Variants in NEURL4 observed in about 807,000 individuals in gnomAD.
NEURL4 encodes the protein neuralized E3 ubiquitin protein ligase 4, also known as neuralized-like protein 4.
A neutral mutation model predicts 148.0 loss-of-function variants in NEURL4; 45 were observed. That is an observed-to-expected ratio of 0.30 (90% confidence interval 0.24 to 0.39). The LOEUF (loss-of-function observed/expected upper bound fraction) is 0.39, where lower values mean the gene tolerates loss of function less well. NEURL4 is among the 10% of genes least tolerant of loss of function. NEURL4 has a pLI of 1.00. For missense variants in NEURL4, 1,776 were observed against 2,144.0 expected (o/e 0.83, Z 3.39); for synonymous variants, 854 against 869.0 (o/e 0.98, Z 0.30).
chr17:7,316,415 T>C (rs2072945979), intron 28 of NEURL4, 88 bp from the exon 29 acceptor site: 2 of 1,063,518 alleles, frequency 1.9e-6, no homozygotes, highest in Non-Finnish European at 2.8e-6. Flanking sequence ...CAAGCCTTGC[T>C]GTACCTAGGA....
chr17:7,322,971 C>A lies in NEURL4; in HGVS notation c.2570G>T (p.Cys857Phe). ...FINGQDQGAA[C>F]SGLPPGKEVY... ...ACCTTTACCCGGAGGCAGGCCCGAG[C>A]AGGCAGCGCCTTGGTCCTGGCCGTT... The change falls in exon 15 of 29, where the codon TGC (cysteine) becomes TTC (phenylalanine). Residue 857 changes from cysteine to phenylalanine, a missense_variant. Transcript: ENST00000399464. The surrounding 1 kb of genome is among the most constrained non-coding windows in gnomAD (Gnocchi z 5.5). 6.2e-7 allele frequency: 1 copy of A among 1,613,526 alleles called. No homozygotes were observed. Among genetic ancestry groups the A allele is most frequent in the Non-Finnish European group, 8.5e-7 (1 of 1,179,854 alleles).
Position 7,324,699 on chromosome 17 carries a change from G to A in NEURL4, c.1813+100C>T. ...CTAGCCACTGAATGAGTGGTCACAAGAGTGACAAGTGAAAAAGGAGCTGCA... is the reference window on the plus strand; with the variant it reads ...CTAGCCACTGAATGAGTGGTCACAAAAGTGACAAGTGAAAAAGGAGCTGCA... On this transcript the variant is annotated intron_variant, in intron 9 of 28. Transcript: ENST00000399464. This position sits in a 1 kb window ranked among gnomAD's most constrained non-coding sequence, Gnocchi z 5.9. 7.4e-7 allele frequency: 1 copy of A among 1,343,610 alleles called. No homozygotes were observed. Among genetic ancestry groups the A allele is most frequent in the Non-Finnish European group, 1.1e-6 (1 of 950,724 alleles). The allele number at this position is 1,343,610 out of a possible 1,614,324, so 83.2% of individuals were successfully genotyped here.
chr17:7,326,687 A>G lies in NEURL4; in HGVS notation c.1092+24T>C. ...TTTAGCTCCCAGGGATAAGGCGCCA[A>G]CCAGACCACAGGACTTTGCACACCT... On this transcript the variant is annotated intron_variant, in intron 4 of 28. Transcript: ENST00000399464. The surrounding 1 kb of genome is among the most constrained non-coding windows in gnomAD (Gnocchi z 6.0). 6.2e-7 allele frequency: 1 copy of G among 1,607,614 alleles called. No homozygotes were observed. Among genetic ancestry groups the G allele is most frequent in the South Asian group, 1.1e-5 (1 of 90,676 alleles).
In NEURL4 at chr17:7,318,466, C is replaced by G; in HGVS notation, c.3864+29G>C. On this transcript the variant is annotated intron_variant, in intron 23 of 28. Coordinates refer to ENST00000399464, the MANE Select transcript of NEURL4 (RefSeq NM_032442.3). This position sits in a 1 kb window ranked among gnomAD's most constrained non-coding sequence, Gnocchi z 4.3. ...CTGGACAGCGCAGACTCTCAGGCAC[C>G]CCTCCTCCCTGCCCCCACTGCCACT... The G allele has an allele frequency of 6.2e-7, 1 of 1,601,196 alleles. No individual in the cohort carries two copies.
In NEURL4 at chr17:7,318,601, G is replaced by C. The variant is rs1322379036; in HGVS notation, c.3758C>G (p.Ser1253Cys). Residue 1253 changes from serine to cysteine, a missense_variant, in exon 23 of 29, where the codon TCT becomes TGT. Transcript: ENST00000399464. The surrounding 1 kb of genome is among the most constrained non-coding windows in gnomAD (Gnocchi z 4.3). ...GTILGLRLDS[S>C]GGLHLHVNGV... ...ATTAACATGAAGATGCAGCCCCCCA[G>C]AGCTGTCCAGCCGCAGTCCCAGGAT... The C allele has an allele frequency of 1.2e-6, 2 of 1,613,978 alleles. No individual in the cohort carries two copies. The highest frequency in any genetic ancestry group is 2.7e-5 in the African/African-American group (2 of 74,928).
intron 21 of NEURL4, 61 bp downstream of exon 21, chr17:7,320,698 G>C (rs575260388): frequency 6.7e-7 from 1 of 1,502,566 alleles, no homozygotes; most frequent in African/African-American, 1.4e-5. Flanking sequence ...CTTTTTTCAG[G>C]GGGGTTGGCC....
rs970917616 is a variant in NEURL4, at chr17:7,317,550, C to A, written c.4229G>T (p.Gly1410Val). ...NLRVNPRLEAGTLTKKWHMAY... is the reference protein window; with the variant it reads ...NLRVNPRLEAVTLTKKWHMAY... ...CATGTGCCACTTCTTGGTTAGTGTC[C>A]CAGCCTCCAGGCGGGGATTCACTCT... The change falls in exon 27 of 29, where the codon GGG becomes GTG. Residue 1410 changes from glycine to valine, a missense_variant. Transcript: ENST00000399464. The A allele has an allele frequency of 2.5e-6, 4 of 1,614,142 alleles. No individual in the cohort carries two copies. The highest frequency in any genetic ancestry group is 3.4e-6 in the Non-Finnish European group (4 of 1,180,002).
At chr17:7,325,795 T>C (rs1438039891) in intron 6 of NEURL4, 82 bp from the exon 7 acceptor site, 3 of 1,166,490 alleles carry the variant, frequency 2.6e-6, no homozygotes, top group East Asian at 4.7e-5. Flanking sequence ...CTCCAGAAGG[T>C]ATTCGTGAGA....
Position 7,321,334 on chromosome 17 carries a change from A to G in NEURL4, c.3198+27T>C, listed in dbSNP as rs368909705. On this transcript the variant is annotated intron_variant, in intron 19 of 28. Transcript: ENST00000399464. The surrounding 1 kb of genome is among the most constrained non-coding windows in gnomAD (Gnocchi z 6.3). Reference sequence around the variant, plus strand: ...AGCAGAAGACCTCAACCATCCTCCCAGAACCCAAGGAAGCGTTCAGGTCTA... The same window carrying G: ...AGCAGAAGACCTCAACCATCCTCCCGGAACCCAAGGAAGCGTTCAGGTCTA... 3.1e-6 allele frequency: 5 copies of G among 1,613,814 alleles called. No individual in the cohort carries two copies. The highest frequency in any genetic ancestry group is 4.2e-6 in the Non-Finnish European group (5 of 1,179,848).
intron 21 of NEURL4, among the ~76,000 whole-genome samples, 164 bp from the exon 22 acceptor site, chr17:7,319,372 CTCTTTTTTTTT>C (rs2072995861): frequency 1.0e-5 from 1 of 99,206 alleles, no homozygotes; most frequent in African/African-American, 3.3e-5. Flanking sequence ...GTTTCTTTCC[CTCTTTTTTTTT>C]TTTTTTTTTT....
In NEURL4 at chr17:7,324,170, C is replaced by T. The variant is rs1454456016; in HGVS notation, c.2000G>A (p.Gly667Asp). 4 of 1,613,662 alleles carry T rather than the reference C, an allele frequency of 2.5e-6. No homozygotes were observed. The highest frequency in any genetic ancestry group is 3.4e-6 in the Non-Finnish European group (4 of 1,180,032). The change falls in exon 11 of 29, where the codon GGC becomes GAC. Residue 667 changes from glycine to aspartate, a missense_variant. Transcript: ENST00000399464. The surrounding 1 kb of genome is among the most constrained non-coding windows in gnomAD (Gnocchi z 5.9). ...QGPAAWNVPP[G>D]VYAVVDLYGQ... ...ATAGAGATCGACGACAGCATAGACG[C>T]CCGGGGGCACGTTCCAGGCAGCAGG...
chr17:7,327,187 A>G lies in NEURL4; in HGVS notation c.771T>C (p.Pro257=). The change falls in exon 3 of 29, where the codon CCT becomes CCC. Residue 257 remains proline (P), a synonymous_variant. Coordinates refer to ENST00000399464, the MANE Select transcript of NEURL4 (RefSeq NM_032442.3). This position sits in a 1 kb window ranked among gnomAD's most constrained non-coding sequence, Gnocchi z 6.6. The stretch of plus-strand genomic sequence containing the variant: ...CACCATTATGCGACTCAAGGCTGTT[A>G]GGAAACGTCTCCGGCCGGGCCTGCG... ...SPAQARPETF[P]NSLESHNDFA... 6.2e-7 allele frequency: 1 copy of G among 1,612,506 alleles called. No individual in the cohort carries two copies. The highest frequency in any genetic ancestry group is 2.2e-5 in the East Asian group (1 of 44,872).
At position 7,318,570 on chromosome 17, in the gene NEURL4, C is replaced by T. The variant is rs1420907960; in HGVS notation, c.3789G>A (p.Val1263=). 6.2e-7 allele frequency: 1 copy of T among 1,613,984 alleles called. No individual in the cohort carries two copies. Among genetic ancestry groups the T allele is most frequent in the Non-Finnish European group, 8.5e-7 (1 of 1,179,968 alleles). ...SGGLHLHVNG[V]DQGVAVPDVP... ...CATCTGGCACAGCTACCCCCTGGTC[C>T]ACCCCATTAACATGAAGATGCAGCC... The change falls in exon 23 of 29, where the codon GTG becomes GTA. Residue 1263 remains valine, a synonymous_variant. Transcript: ENST00000399464. This position sits in a 1 kb window ranked among gnomAD's most constrained non-coding sequence, Gnocchi z 4.3.
At position 7,327,394 on chromosome 17, in the gene NEURL4, C is replaced by T; in HGVS notation, c.727+46G>A. The T allele has an allele frequency of 6.7e-7, 1 of 1,490,700 alleles. No individual in the cohort carries two copies. 92.3% of individuals were successfully genotyped at this position (1,490,700 alleles called of 1,614,324 possible). A position where few individuals can be genotyped will look rare whatever the true frequency, so the allele number is the denominator to read the frequency against. On this transcript the variant is annotated intron_variant, in intron 2 of 28. Coordinates refer to ENST00000399464, the MANE Select transcript of NEURL4 (RefSeq NM_032442.3). The surrounding 1 kb of genome is among the most constrained non-coding windows in gnomAD (Gnocchi z 6.6). ...AGCCTGTCTTGTCACTCTATTTCCC[C>T]CATTCCGTCCCCACCCCACCACCAC...
rs1233011565 is a variant in NEURL4 at position 7,327,958 on chromosome 17, T to C, written c.283-74A>G. 4 of 1,192,122 alleles carry C rather than the reference T, an allele frequency of 3.4e-6. No homozygotes were observed. The highest frequency in any genetic ancestry group is 5.2e-5 in the Admixed American group (2 of 38,274). 73.8% of individuals were successfully genotyped at this position (1,192,122 alleles called of 1,614,324 possible). A position where few individuals can be genotyped will look rare whatever the true frequency, so the allele number is the denominator to read the frequency against. On this transcript the variant is annotated intron_variant, in intron 1 of 28. Transcript: ENST00000399464. This position sits in a 1 kb window ranked among gnomAD's most constrained non-coding sequence, Gnocchi z 6.6. ...CCACAGGCCACCATATCTTCCCACC[T>C]CTCAGACAGCTAGCTGGCTTTCTGT...
At chr17:7,323,182 T>A in intron 14 of NEURL4, 59 bp from the exon 15 acceptor site, 1 of 1,553,000 alleles carries the variant, frequency 6.4e-7, no homozygotes, top group Non-Finnish European at 8.8e-7. Context: ...CATTGGCCCC[T>A]GCCCACTCCC....
At position 7,324,754 on chromosome 17, in the gene NEURL4, TCCC is replaced by T. The variant is rs1030111811; in HGVS notation, c.1813+42_1813+44del. The T allele has an allele frequency of 6.3e-7, 1 of 1,598,524 alleles. No homozygotes were observed. The highest frequency in any genetic ancestry group is 1.3e-5 in the African/African-American group (1 of 74,668). ...AAGTGCCAGGGCTTTGGGGATAGCT[TCCC>T]CCCAAAACCCTATCCTGTCCCTGCC... On this transcript the variant is annotated intron_variant, in intron 9 of 28. Coordinates refer to ENST00000399464, the MANE Select transcript of NEURL4 (RefSeq NM_032442.3). This position sits in a 1 kb window ranked among gnomAD's most constrained non-coding sequence, Gnocchi z 5.9.
rs765375703 is a variant in NEURL4, at chr17:7,320,748, G to A, written c.3525+11C>T. 1.9e-6 allele frequency: 3 copies of A among 1,609,712 alleles called. No individual in the cohort carries two copies. The highest frequency in any genetic ancestry group is 2.5e-6 in the Non-Finnish European group (3 of 1,177,298). On this transcript the variant is annotated intron_variant, in intron 21 of 28. Coordinates refer to ENST00000399464, the MANE Select transcript of NEURL4 (RefSeq NM_032442.3). Reference sequence around the variant, plus strand: ...AGCGAGAGAAGCTGGGGATAGGGAGGGAGAACCCACCTGCACCAGCAGCTG... The same window carrying A: ...AGCGAGAGAAGCTGGGGATAGGGAGAGAGAACCCACCTGCACCAGCAGCTG...
chr17:7,319,152 G>A lies in NEURL4; in HGVS notation c.3582C>T (p.Ile1194=), dbSNP rs59283740. 7,390 of 1,613,982 alleles carry A rather than the reference G, an allele frequency of 4.6e-3. 297 individuals carry two copies. In the African/African-American group the frequency reaches 0.087, roughly 19 times the overall value. ...QWTSSLVLGV[I]TCAPERLNFP... ...AGTTGAGCCTCTCAGGCGCGCAGGTGATGACTCCCAGGACAAGGGAAGATG... is the reference window on the plus strand; with the variant it reads ...AGTTGAGCCTCTCAGGCGCGCAGGTAATGACTCCCAGGACAAGGGAAGATG... Residue 1194 remains isoleucine, a synonymous_variant, in exon 22 of 29, where the codon ATC becomes ATT. Transcript: ENST00000399464.
Sources: allele counts gnomAD v4.1 joint callset (sites outside exome capture counted in the v4.1 genomes callset), GRCh38; gene constraint gnomAD v4.1.1; non-coding constraint Gnocchi (gnomAD v3.1); transcripts MANE v1.5; gene names NCBI Gene and HGNC (gene_info 2026-07-23, HGNC 2026-07-21).